Variants in HBS1L observed in about 807,000 individuals in gnomAD.
HBS1L encodes HBS1-like protein.
Under a neutral mutation model 88.9 loss-of-function variants are expected in HBS1L, and 55 were observed. The observed-to-expected ratio is 0.62, with a 90% CI of 0.50 to 0.77. The LOEUF is 0.77. HBS1L is among the 30% of genes least tolerant of loss of function. The pLI is 0.00. For missense variants in HBS1L, 741 were observed against 829.3 expected (o/e 0.89, Z 1.31); for synonymous variants, 267 against 288.5 (o/e 0.93, Z 0.76).
intron 11 of HBS1L, 23 bp from the exon 12 acceptor site, chr6:134,985,432 G>C: frequency 6.6e-7 from 1 of 1,505,878 alleles, no homozygotes; most frequent in Non-Finnish European, 9.1e-7. Flanking sequence ...AATTGCAAAA[G>C]GCAAGGTTTA....
intron 4 of HBS1L, among the ~76,000 whole-genome samples, chr6:135,007,216 C>T (rs896485350): frequency 1.3e-5 from 2 of 151,906 alleles, no homozygotes; most frequent in South Asian, 2.1e-4. Flanking sequence ...ATCAAACTCA[C>T]GATGTAACAT....
At chr6:135,051,017 G>A (rs1056298513) in intron 1 of HBS1L, among the ~76,000 whole-genome samples, 1 of 152,282 alleles carries the variant, frequency 6.6e-6, no homozygotes, top group South Asian at 2.1e-4. Flanking sequence ...CATGAGGTCA[G>A]GAGTTTGAGA....
At chr6:134,985,232 G>C in intron 12 of HBS1L, 109 bp downstream of exon 12, 1 of 560,468 alleles carries the variant, frequency 1.8e-6, no homozygotes, top group Non-Finnish European at 3.1e-6. Flanking sequence ...GCATGGAGAG[G>C]AGAGACTCTG....
At chr6:135,013,230 C>A (rs936696086) in intron 4 of HBS1L, among the ~76,000 whole-genome samples, 2 of 152,202 alleles carry the variant, frequency 1.3e-5, no homozygotes, top group African/African-American at 4.8e-5. Context: ...TGAGCCAATA[C>A]ATGTAAAGTA....
intron 12 of HBS1L, chr6:134,983,186 A>G (rs571822872): frequency 2.6e-5 from 4 of 152,288 alleles, no homozygotes; most frequent in African/African-American, 9.6e-5. Context: ...CATATAGAAT[A>G]ATGAAGAAAA....
At chr6:135,032,328 A>G (rs1776411849) in intron 4 of HBS1L, among the ~76,000 whole-genome samples, 1 of 151,022 alleles carries the variant, frequency 6.6e-6, no homozygotes, top group Admixed American at 6.5e-5. Context: ...GCTTTTACAA[A>G]ATATATATAT....
intron 10 of HBS1L, 94 bp downstream of exon 10, chr6:134,986,642 A>C (rs1340888012): frequency 1.9e-6 from 1 of 512,920 alleles, no homozygotes; most frequent in Non-Finnish European, 3.4e-6. Context: ...GAATTAAATA[A>C]ATTTAATAAG....
chr6:135,044,621 G>A (rs1167283378), intron 2 of HBS1L, among the ~76,000 whole-genome samples: 4 of 152,066 alleles, frequency 2.6e-5, no homozygotes, highest in Non-Finnish European at 5.9e-5. Context: ...TTTTAAAGTG[G>A]TCCTTAAAAT....
At chr6:135,009,656 C>T (rs1251819673) in intron 4 of HBS1L, among the ~76,000 whole-genome samples, 4 of 151,326 alleles carry the variant, frequency 2.6e-5, no homozygotes, top group Admixed American at 1.3e-4. Flanking sequence ...TTTTTTGAGA[C>T]GGAGTCTCGC....
intron 2 of HBS1L, among the ~76,000 whole-genome samples, chr6:135,049,869 G>A (rs773039246): frequency 2.6e-5 from 4 of 152,230 alleles, no homozygotes; most frequent in African/African-American, 4.8e-5. Flanking sequence ...ATCGTACCTG[G>A]CCTACACCAT....
At chr6:135,054,320 G>A (rs1777179620) in intron 1 of HBS1L, among the ~76,000 whole-genome samples, 1 of 152,246 alleles carries the variant, frequency 6.6e-6, no homozygotes, top group South Asian at 2.1e-4. Context: ...GCACGTTAGT[G>A]CCCAACATGG....
chr6:135,030,646 C>CT (rs1776358314), intron 4 of HBS1L, among the ~76,000 whole-genome samples: 1 of 151,810 alleles, frequency 6.6e-6, no homozygotes, highest in Non-Finnish European at 1.5e-5. Context: ...AGCTAATGGC[C>CT]TTTAAGAGGA....
Position 134,969,235 on chromosome 6 carries a change from CACTT to C in HBS1L, c.1897_1898+2del, listed in dbSNP as rs1479539506. 4.4e-6 allele frequency: 7 copies of C among 1,586,018 alleles called. No individual in the cohort carries two copies. Among genetic ancestry groups the C allele is most frequent in the Admixed American group, 1.7e-5 (1 of 59,976 alleles). On this transcript the variant is annotated splice_donor_variant and coding_sequence_variant, in exon 16 of 18. Coordinates refer to ENST00000367837, the MANE Select transcript of HBS1L (RefSeq NM_006620.4). LOFTEE classifies it high-confidence loss of function. ...TTTATCATTTCTGTATTAAAACACT[CACTT>C]AGGCTTTTTCTTTGTGACTTCACCC... is the stretch of plus-strand genomic sequence containing the variant.
intron 4 of HBS1L, among the ~76,000 whole-genome samples, chr6:135,010,562 T>C (rs1388929409): frequency 6.6e-6 from 1 of 152,194 alleles, no homozygotes. Flanking sequence ...CAAGAAGTAC[T>C]ACAATAAATA....
chr6:134,983,874 G>A (rs566480133), intron 12 of HBS1L, among the ~76,000 whole-genome samples: 2 of 152,218 alleles, frequency 1.3e-5, no homozygotes, highest in South Asian at 2.1e-4. Flanking sequence ...AGATAGACAG[G>A]TCAGAGAAAT....
rs76029016 is a variant in HBS1L at position 135,030,997 on chromosome 6, T to C, written c.430+8576A>G. ...CTCATACTGTAAACAAATGTCCTTTTCATGGTCTACTTAGTGTCGCATTTT... is the reference window on the plus strand; with the variant it reads ...CTCATACTGTAAACAAATGTCCTTTCCATGGTCTACTTAGTGTCGCATTTT... On this transcript the variant is annotated intron_variant, in intron 4 of 17. Transcript: ENST00000367837. 2.3e-3 allele frequency among the ~76,000 whole-genome samples: 344 copies of C among 152,278 alleles called. 4 individuals are homozygous for C. The highest frequency in any genetic ancestry group is 7.7e-3 in the African/African-American group (320 of 41,590).
At chr6:135,045,644 T>A (rs752595450) in intron 2 of HBS1L, among the ~76,000 whole-genome samples, 6 of 152,140 alleles carry the variant, frequency 3.9e-5, no homozygotes, top group Non-Finnish European at 8.8e-5. Context: ...AAGACCAGCC[T>A]GGCCAACATG....
At chr6:135,032,045 T>G (rs1776400875) in intron 4 of HBS1L, among the ~76,000 whole-genome samples, 1 of 151,802 alleles carries the variant, frequency 6.6e-6, no homozygotes, top group Admixed American at 6.6e-5. Flanking sequence ...ACTTAAAGAG[T>G]GTTTCTATGT....
In HBS1L at chr6:134,987,678, C is replaced by T. The variant is rs140835228; in HGVS notation, c.1197G>A (p.Thr399=). The change falls in exon 9 of 18, where the codon ACG becomes ACA. Residue 399 remains threonine (T), a synonymous_variant. Transcript: ENST00000367837. The part of the protein sequence containing the change: ...HGLLVRSLGV[T]QLAVAVNKMD... The stretch of plus-strand genomic sequence containing the variant: ...TTTTATTAACTGCAACTGCAAGCTG[C>T]GTCACTCCCAGAGAACGGACCAAGA... 162 of 1,604,150 alleles carry T rather than the reference C, an allele frequency of 1.0e-4. No individual in the cohort carries two copies. Among genetic ancestry groups the T allele is most frequent in the Admixed American group, 1.7e-4 (10 of 58,436 alleles).
Sources: allele counts gnomAD v4.1 joint callset (sites outside exome capture counted in the v4.1 genomes callset), GRCh38; gene constraint gnomAD v4.1.1; transcripts MANE v1.5; gene names NCBI Gene and HGNC (gene_info 2026-07-23, HGNC 2026-07-21).